The following NFATC1 variants were observed in gnomAD, a reference collection of about 807,000 sequenced individuals.
NFATC1 encodes nuclear factor of activated T-cells, cytoplasmic 1.
A neutral mutation model predicts 76.0 loss-of-function variants in NFATC1; 22 were observed. The ratio of observed to expected loss-of-function variants is 0.29; its 90% CI spans 0.21 to 0.41. The LOEUF (loss-of-function observed/expected upper bound fraction) is 0.41. Ranked by LOEUF, NFATC1 falls within the 10% of genes least tolerant of loss-of-function variation. NFATC1 has a pLI of 1.00. For missense variants in NFATC1, 1,357 were observed against 1,337.7 expected, an observed-to-expected ratio of 1.01 and a Z score of -0.23; for synonymous variants, 704 against 613.1, an observed-to-expected ratio of 1.15 and a Z score of -2.19.
intron 9 of NFATC1, among the ~76,000 whole-genome samples, chr18:79,511,648 G>A (rs1422298615): frequency 1.3e-5 from 2 of 152,114 alleles, no homozygotes; most frequent in East Asian, 1.9e-4. Flanking sequence ...ACACGTCTGC[G>A]CCCCTGAGCT....
intron 9 of NFATC1, among the ~76,000 whole-genome samples, chr18:79,512,922 A>T (rs1160198348): frequency 5.3e-5 from 8 of 152,004 alleles, no homozygotes; most frequent in African/African-American, 1.9e-4. Context: ...GGACGTCCTG[A>T]CCGTAGGTCC....
At chr18:79,451,149 A>G (rs1366343263) in intron 5 of NFATC1, 23 bp downstream of exon 5, 1 of 1,597,020 alleles carries the variant, frequency 6.3e-7, no homozygotes, top group East Asian at 2.2e-5. Flanking sequence ...CCACGCGCCC[A>G]CAGGGGAGGA....
At chr18:79,405,059 G>A (rs1230997325) in intron 1 of NFATC1, among the ~76,000 whole-genome samples, 2 of 152,208 alleles carry the variant, frequency 1.3e-5, no homozygotes, top group African/African-American at 2.4e-5. Flanking sequence ...GGACTAGGCT[G>A]GCCTGAGAGC....
intron 6 of NFATC1, among the ~76,000 whole-genome samples, chr18:79,456,451 C>T (rs890919814): frequency 1.3e-5 from 2 of 152,208 alleles, no homozygotes; most frequent in Non-Finnish European, 1.5e-5. Context: ...CAGGGTGTCG[C>T]GGAAGCCCCG....
At chr18:79,484,432 C>T (rs780724645) in intron 8 of NFATC1, among the ~76,000 whole-genome samples, 5 of 152,132 alleles carry the variant, frequency 3.3e-5, no homozygotes, top group Non-Finnish European at 7.4e-5. Flanking sequence ...TGGTCACCCA[C>T]CCCCTCTAAA....
chr18:79,451,481 G>T (rs139255335), intron 5 of NFATC1, among the ~76,000 whole-genome samples, 195 bp from the exon 6 acceptor site: 3 of 152,266 alleles, frequency 2.0e-5, no homozygotes, highest in Non-Finnish European at 4.4e-5. Context: ...TCTTCAGAAC[G>T]AGGTGGAGAC....
At chr18:79,398,111 C>T (rs1055216822) in intron 1 of NFATC1, among the ~76,000 whole-genome samples, 5 of 152,162 alleles carry the variant, frequency 3.3e-5, no homozygotes, top group African/African-American at 1.2e-4. Context: ...TGGGCGCCTC[C>T]CCTGCGTCCC....
intron 8 of NFATC1, among the ~76,000 whole-genome samples, chr18:79,480,623 C>T (rs369744621): frequency 2.6e-5 from 4 of 152,132 alleles, no homozygotes; most frequent in African/African-American, 4.8e-5. Flanking sequence ...CGGTTTTAAA[C>T]GGGGCCGTGT....
intron 2 of NFATC1, among the ~76,000 whole-genome samples, chr18:79,423,995 C>G (rs2086191281): frequency 6.6e-6 from 1 of 152,182 alleles, no homozygotes; most frequent in Admixed American, 6.5e-5. Context: ...CTCCTGAAAT[C>G]CTAAGGTTGC....
At chr18:79,467,009 C>T (rs2088533482) in intron 7 of NFATC1, among the ~76,000 whole-genome samples, 1 of 152,202 alleles carries the variant, frequency 6.6e-6, no homozygotes, top group South Asian at 2.1e-4. Flanking sequence ...CGGGCAACCT[C>T]CACCCTCAGG....
At position 79,486,952 on chromosome 18, in the gene NFATC1, C is replaced by T. The variant is rs1338888864; in HGVS notation, c.2782+15C>T. 3.8e-6 allele frequency: 6 copies of T among 1,579,440 alleles called. No homozygotes were observed. Among genetic ancestry groups the T allele is most frequent in the Non-Finnish European group, 5.2e-6 (6 of 1,159,824 alleles). On this transcript the variant is annotated intron_variant, in intron 9 of 9. Transcript: ENST00000427363. ...CCTGGATGACGGTGAGTGCCCGCAG[C>T]CATGCAGGTGTGTGCCCCGCCTGGC...
chr18:79,467,549 C>G lies in NFATC1; in HGVS notation c.2059C>G (p.Gln687Glu), dbSNP rs2088574683. The change falls in exon 8 of 10, where the codon CAG becomes GAG. Residue 687 changes from glutamine to glutamate, a missense_variant. Physicochemically the swap from Gln to Glu is conservative, Grantham distance 29. Transcript: ENST00000427363. The part of the protein sequence containing the change: ...YVCNGKRKRS[Q>E]YQRFTYLPAN... ...CTGCAACGGGAAGAGAAAGCGAAGC[C>G]AGTACCAGCGTTTCACCTACCTTCC... The G allele has an allele frequency of 6.2e-7, 1 of 1,614,012 alleles. No individual in the cohort carries two copies.
At chr18:79,527,366 C>T (rs544966224) in intron 9 of NFATC1, 162 bp from the exon 10 acceptor site, 26 of 612,894 alleles carry the variant, frequency 4.2e-5, no homozygotes, top group Non-Finnish European at 5.2e-5. Flanking sequence ...CACTGGCTCA[C>T]GACACTCATG....
At position 79,486,590 on chromosome 18, in the gene NFATC1, G is replaced by A; in HGVS notation, c.2435G>A (p.Gly812Asp). Residue 812 changes from glycine (G) to aspartate (D), a missense_variant, in exon 9 of 10, where the codon GGC becomes GAC. Gly to Asp is a moderately conservative substitution (Grantham distance 94, BLOSUM62 -1). This residue lies in a region of NFATC1 where 424 missense variants were observed against 395.4 expected (regional missense o/e 1.07). Transcript: ENST00000427363. ...DVPRPVATHPGSPGQPPPALL... is the reference protein window; with the variant it reads ...DVPRPVATHPDSPGQPPPALL... ...CCCAGGCCAGTGGCCACGCACCCCG[G>A]CTCGCCCGGGCAGCCACCCCCGGCC... 1 of 1,589,438 alleles carries A rather than the reference G, an allele frequency of 6.3e-7. No individual in the cohort carries two copies. Among genetic ancestry groups the A allele is most frequent in the Non-Finnish European group, 8.5e-7 (1 of 1,172,578 alleles).
chr18:79,494,979 G>A (rs1008423446), intron 9 of NFATC1, among the ~76,000 whole-genome samples: 13 of 152,240 alleles, frequency 8.5e-5, no homozygotes, highest in Non-Finnish European at 4.4e-5. Flanking sequence ...GCGGGCACAC[G>A]CCCCCCATCA....
intron 9 of NFATC1, among the ~76,000 whole-genome samples, chr18:79,521,959 GT>G (rs1717938901): frequency 9.5e-6 from 1 of 105,588 alleles, no homozygotes; most frequent in African/African-American, 3.9e-5. Context: ...GTGGGAGGTT[GT>G]CTGCTGTGTG....
chr18:79,447,828 G>A (rs1473900694), intron 3 of NFATC1, among the ~76,000 whole-genome samples: 4 of 152,264 alleles, frequency 2.6e-5, no homozygotes. Flanking sequence ...TTCTAAAAAT[G>A]ACTCACTGCT....
At chr18:79,517,889 G>A (rs971266002) in intron 9 of NFATC1, among the ~76,000 whole-genome samples, 11 of 152,186 alleles carry the variant, frequency 7.2e-5, no homozygotes, top group East Asian at 1.9e-4. Flanking sequence ...CACAAAAATC[G>A]TTTATGCAAG....
chr18:79,406,220 C>A lies in NFATC1; in HGVS notation c.128-4183C>A, dbSNP rs147213205. 3.3e-5 allele frequency among the ~76,000 whole-genome samples: 5 copies of A among 152,360 alleles called. No individual in the cohort carries two copies. The East Asian group carries it at 9.6e-4, about 29-fold the overall frequency. On this transcript the variant is annotated intron_variant, in intron 1 of 9. Transcript: ENST00000427363. ...ACCTTTCTACCAGCAAATGGTAGTTCAGCTGTGGGATCAGCTGTCTTGGAA... is the reference window on the plus strand; with the variant it reads ...ACCTTTCTACCAGCAAATGGTAGTTAAGCTGTGGGATCAGCTGTCTTGGAA...
Sources: allele counts gnomAD v4.1 joint callset (sites outside exome capture counted in the v4.1 genomes callset), GRCh38; gene constraint gnomAD v4.1.1; regional missense constraint gnomAD v4.1.1; transcripts MANE v1.5; gene names NCBI Gene and HGNC (gene_info 2026-07-23, HGNC 2026-07-21).